UBE2J2: variants seen among roughly 807,000 people sequenced by gnomAD.
The protein encoded by UBE2J2 is ubiquitin conjugating enzyme E2 J2.
Under a neutral mutation model 28.6 loss-of-function variants are expected in UBE2J2, and 5 were observed. The observed-to-expected ratio is 0.17, with a 90% CI of 0.09 to 0.37. UBE2J2 has a LOEUF of 0.37. UBE2J2 is among the 10% of genes least tolerant of loss of function. UBE2J2 has a pLI of 1.00. For synonymous variants in UBE2J2, 138 were observed against 139.7 expected (o/e 0.99, Z 0.09); for missense variants, 226 against 338.9 (o/e 0.67, Z 2.62).
intron 3 of UBE2J2, chr1:1,262,149 G>A (rs1175804642): frequency 1.2e-5 from 4 of 331,586 alleles, no homozygotes; most frequent in Non-Finnish European, 2.4e-5. Context: ...GAGCCACCGC[G>A]CCCGGCCGAC....
chr1:1,260,172 T>C (rs902589438), intron 3 of UBE2J2, among the ~76,000 whole-genome samples: 1 of 152,114 alleles, frequency 6.6e-6, no homozygotes, highest in Non-Finnish European at 1.5e-5. Context: ...AGTGCCACTG[T>C]CACCCATCCT....
chr1:1,260,537 C>A (rs1356493327), intron 3 of UBE2J2, among the ~76,000 whole-genome samples: 1 of 152,230 alleles, frequency 6.6e-6, no homozygotes, highest in Admixed American at 6.5e-5. Flanking sequence ...GCTTGTCACC[C>A]GCCAGAGAAA....
In UBE2J2 at chr1:1,254,650, A is replaced by G. The variant is rs1639074379; in HGVS notation, c.*553T>C. On this transcript the variant is annotated 3_prime_UTR_variant, in exon 7 of 7. Transcript: ENST00000349431. ...GGAATGTGTTTCATTCTGACTGTAA[A>G]CACATTTGTAAATGCTGAGACCAAA... 1 of 152,670 alleles carries G rather than the reference A, an allele frequency of 6.6e-6. No individual in the cohort carries two copies. Among genetic ancestry groups the G allele is most frequent in the South Asian group, 2.1e-4 (1 of 4,842 alleles). The allele number at this position is 152,670 out of a possible 1,614,324, so 9.5% of individuals were successfully genotyped here.
chr1:1,255,185 G>C lies in UBE2J2; in HGVS notation c.*18C>G. On this transcript the variant is annotated 3_prime_UTR_variant, in exon 7 of 7. Transcript: ENST00000349431. Reference sequence around the variant, plus strand: ...GCGCGGTGCCCTCAGTGGCGCCTTGGGTCTCGGCGCCTGGGCCTCACTCCT... The same window carrying C: ...GCGCGGTGCCCTCAGTGGCGCCTTGCGTCTCGGCGCCTGGGCCTCACTCCT... 1 of 1,564,978 alleles carries C rather than the reference G, an allele frequency of 6.4e-7. No individual in the cohort carries two copies. The highest frequency in any genetic ancestry group is 8.7e-7 in the Non-Finnish European group (1 of 1,151,190).
At chr1:1,259,573 G>A (rs533945381) in intron 3 of UBE2J2, among the ~76,000 whole-genome samples, 20 of 152,274 alleles carry the variant, frequency 1.3e-4, no homozygotes, top group African/African-American at 4.3e-4. Context: ...AGGCCGCCTC[G>A]GCATCCACTC....
intron 5 of UBE2J2, 66 bp from the exon 6 acceptor site, chr1:1,256,191 G>A (rs1045039857): frequency 4.0e-6 from 5 of 1,261,914 alleles, no homozygotes; most frequent in African/African-American, 1.5e-5. Flanking sequence ...TCTAAAAACA[G>A]ATGATTTCAA....
At chr1:1,257,494 C>A (rs1396961907) in intron 3 of UBE2J2, among the ~76,000 whole-genome samples, 184 bp from the exon 4 acceptor site, 1 of 149,446 alleles carries the variant, frequency 6.7e-6, no homozygotes, top group Non-Finnish European at 1.5e-5. Context: ...CTCTCCACTA[C>A]CACCCACTGT....
At chr1:1,271,962 G>C (rs768619858) in intron 1 of UBE2J2, among the ~76,000 whole-genome samples, 3 of 92,338 alleles carry the variant, frequency 3.2e-5, no homozygotes, top group Non-Finnish European at 5.6e-5. Flanking sequence ...CAACAAGAGC[G>C]AAACTCCGTC....
At chr1:1,262,632 G>A (rs1019503225) in intron 3 of UBE2J2, among the ~76,000 whole-genome samples, 5 of 152,232 alleles carry the variant, frequency 3.3e-5, no homozygotes, top group African/African-American at 1.2e-4. Flanking sequence ...GACAGCAACT[G>A]CTGACCTGGC....
chr1:1,255,358 C>G lies in UBE2J2; in HGVS notation c.625G>C (p.Ala209Pro). Residue 209 changes from alanine (A) to proline (P), a missense_variant, in exon 7 of 7, where the codon GCG (alanine) becomes CCG (proline). Ala to Pro is a conservative substitution (Grantham distance 27). Around this residue, in one of 3 missense-constraint regions of UBE2J2, gnomAD observed 133 missense variants for 161.5 expected, o/e 0.82. Transcript: ENST00000349431. ...QNGIQLLNGH[A>P]PGAVPNLAGL... ...GCGAGGTTTGGGACGGCCCCCGGCG[C>G]ATGCCCGTTGAGCAGCTGAATCCCG... is the stretch of plus-strand genomic sequence containing the variant. The G allele has an allele frequency of 6.2e-7, 1 of 1,613,822 alleles. No homozygotes were observed. Among genetic ancestry groups the G allele is most frequent in the Non-Finnish European group, 8.5e-7 (1 of 1,180,042 alleles).
intron 1 of UBE2J2, among the ~76,000 whole-genome samples, chr1:1,270,791 GC>G (rs1255935981): frequency 6.6e-6 from 1 of 150,914 alleles, no homozygotes; most frequent in Non-Finnish European, 1.5e-5. Context: ...CCTCTTGCCT[GC>G]CAGCCCCTTG....
chr1:1,266,975 G>A (rs548303434), intron 2 of UBE2J2, among the ~76,000 whole-genome samples: 5 of 151,696 alleles, frequency 3.3e-5, no homozygotes, highest in Non-Finnish European at 7.4e-5. Context: ...TGCAAGCTCC[G>A]CCTCCCGGGT....
intron 2 of UBE2J2, among the ~76,000 whole-genome samples, chr1:1,265,343 C>G (rs1639788811): frequency 6.6e-6 from 1 of 152,208 alleles, no homozygotes; most frequent in Non-Finnish European, 1.5e-5. Flanking sequence ...CCCCTGCTCT[C>G]CTGGAAGTCT....
intron 3 of UBE2J2, among the ~76,000 whole-genome samples, chr1:1,260,800 G>A (rs1639511486): frequency 6.6e-6 from 1 of 152,244 alleles, no homozygotes; most frequent in Non-Finnish European, 1.5e-5. Context: ...TCATTCTTTA[G>A]AAAAATGGTT....
At chr1:1,272,489 T>C (rs1640203154) in intron 1 of UBE2J2, among the ~76,000 whole-genome samples, 1 of 152,194 alleles carries the variant, frequency 6.6e-6, no homozygotes, top group Non-Finnish European at 1.5e-5. Flanking sequence ...GCCAGGCGCA[T>C]GGCACACCCA....
In UBE2J2 at chr1:1,255,503, C is replaced by A; in HGVS notation, c.496-16G>T. ...GTTTAATCTCCTAAGAGAAAAACAG[C>A]GAGAAAAGCAGCTGGTCTCCAACCA... On this transcript the variant is annotated splice_polypyrimidine_tract_variant and intron_variant, in intron 6 of 6. Transcript: ENST00000349431. 1.9e-6 allele frequency: 3 copies of A among 1,597,880 alleles called. No individual in the cohort carries two copies. Among genetic ancestry groups the A allele is most frequent in the South Asian group, 1.1e-5 (1 of 90,080 alleles).
intron 3 of UBE2J2, among the ~76,000 whole-genome samples, chr1:1,260,515 G>A (rs1178676865): frequency 2.6e-5 from 4 of 152,290 alleles, no homozygotes; most frequent in East Asian, 1.9e-4. Context: ...AGCCCCAGAC[G>A]GCTATCCCAC....
chr1:1,266,926 T>C (rs1639902302), intron 2 of UBE2J2, among the ~76,000 whole-genome samples: 2 of 152,242 alleles, frequency 1.3e-5, no homozygotes, highest in South Asian at 2.1e-4. Context: ...TTCGCTCTTG[T>C]TGCCCAGGTT....
In UBE2J2 at chr1:1,266,233, G is replaced by GT. The variant is rs367881914; in HGVS notation, c.131+1628dup. On this transcript the variant is annotated intron_variant, in intron 2 of 6. Coordinates refer to ENST00000349431, the MANE Select transcript of UBE2J2 (RefSeq NM_058167.3). ...GGGCCTCCTCTGTGAGCCAGAGAAGGTGGACCCCTGACCAAGCCGAAACAC... is the reference window on the plus strand; with the variant it reads ...GGGCCTCCTCTGTGAGCCAGAGAAGGTTGGACCCCTGACCAAGCCGAAACAC... The GT allele has an allele frequency of 1.0e-5, 12 of 1,188,158 alleles. No individual in the cohort carries two copies. The African/African-American group carries it at 1.4e-4, about 14-fold the overall frequency. The allele number at this position is 1,188,158 out of a possible 1,614,324, so 73.6% of individuals were successfully genotyped here.
Sources: gnomAD v4.1 joint callset for allele counts (sites outside exome capture counted in the v4.1 genomes callset) on GRCh38, gnomAD v4.1.1 for gene constraint, gnomAD v4.1.1 regional missense constraint, MANE v1.5 for transcripts, NCBI Gene and HGNC (gene_info 2026-07-23, HGNC 2026-07-21) for gene names.